LHPP: variants seen among roughly 807,000 people sequenced by gnomAD.
The protein encoded by LHPP is phospholysine phosphohistidine inorganic pyrophosphate phosphatase.
Under a neutral mutation model 30.3 loss-of-function variants are expected in LHPP, and 24 were observed. That is an observed-to-expected ratio of 0.79 (90% CI 0.57 to 1.11). LHPP has a LOEUF of 1.11. Ranked by LOEUF, LHPP falls within the 50% of genes most tolerant of loss-of-function variation. LHPP has a pLI of 0.00. For synonymous variants in LHPP, 150 were observed against 157.1 expected (o/e 0.95, Z 0.34); for missense variants, 356 against 367.2 (o/e 0.97, Z 0.25).
intron 5 of LHPP, among the ~76,000 whole-genome samples, chr10:124,514,184 G>T (rs1954389016): frequency 6.6e-6 from 1 of 152,224 alleles, no homozygotes; most frequent in Non-Finnish European, 1.5e-5. Context: ...CAGCCTGGGG[G>T]CAGAGGAAAG....
chr10:124,519,891 G>A (rs9732194), intron 6 of LHPP, among the ~76,000 whole-genome samples: 11,335 of 151,650 alleles, frequency 0.075, 625 homozygotes, highest in South Asian at 0.25. Context: ...GGAGTGCAGT[G>A]GCGCAGTCTC....
rs889529460 is a variant in LHPP at position 124,478,075 on chromosome 10, T to C, written c.126-6064T>C. Reference sequence around the variant, plus strand: ...CTCCACTGTGGTTGGGCACCAGGCATGGCAGAGGTGCTGAGCAGACAAAAC... The same window carrying C: ...CTCCACTGTGGTTGGGCACCAGGCACGGCAGAGGTGCTGAGCAGACAAAAC... On this transcript the variant is annotated intron_variant, in intron 1 of 6. Transcript: ENST00000368842. This position sits in a 1 kb window ranked among gnomAD's most constrained non-coding sequence, Gnocchi z 4.7. 1.3e-5 allele frequency among the ~76,000 whole-genome samples: 2 copies of C among 152,158 alleles called. No individual in the cohort carries two copies. The highest frequency in any genetic ancestry group is 2.4e-5 in the African/African-American group (1 of 41,430).
chr10:124,512,616 CAAAAA>C (rs34808470), intron 5 of LHPP, among the ~76,000 whole-genome samples: 1 of 54,190 alleles, frequency 1.8e-5, no homozygotes, highest in African/African-American at 7.6e-5. Flanking sequence ...GACTCCGTCT[CAAAAA>C]AAAAAAAAAA....
At chr10:124,562,253 G>T (rs1166208701) in intron 6 of LHPP, among the ~76,000 whole-genome samples, 2 of 152,156 alleles carry the variant, frequency 1.3e-5, no homozygotes, top group African/African-American at 4.8e-5. Flanking sequence ...GTTGTAGTGA[G>T]CTGAGATCAC....
intron 1 of LHPP, among the ~76,000 whole-genome samples, chr10:124,465,591 G>A (rs1008982563): frequency 1.3e-5 from 2 of 152,196 alleles, no homozygotes; most frequent in African/African-American, 4.8e-5. Context: ...GAGGAAGTGA[G>A]AGAGGCTCCG....
intron 6 of LHPP, among the ~76,000 whole-genome samples, chr10:124,595,267 G>T (rs1589703869): frequency 6.6e-6 from 1 of 152,192 alleles, no homozygotes; most frequent in South Asian, 2.1e-4. Context: ...GGTTGGGGAC[G>T]CGAGGAGGGC....
chr10:124,481,432 A>C (rs1028354219), intron 1 of LHPP, among the ~76,000 whole-genome samples: 10 of 128,362 alleles, frequency 7.8e-5, no homozygotes, highest in African/African-American at 2.9e-4. Flanking sequence ...GCTGGAGGGC[A>C]GTGGCTTGAT....
intron 5 of LHPP, among the ~76,000 whole-genome samples, chr10:124,503,240 GT>G (rs199676732): frequency 0.072 from 10,870 of 150,924 alleles, 583 homozygotes; most frequent in African/African-American, 0.13. Flanking sequence ...CTAATTTTGT[GT>G]TTTTAGTAGA....
At chr10:124,472,909 A>G (rs1457006840) in intron 1 of LHPP, among the ~76,000 whole-genome samples, 1 of 152,182 alleles carries the variant, frequency 6.6e-6, no homozygotes, top group East Asian at 1.9e-4. Flanking sequence ...CCACCCCCGT[A>G]TATCTGGGGT....
Position 124,540,530 on chromosome 10 carries a change from G to A in LHPP, c.716+23259G>A, listed in dbSNP as rs143752778. Among the ~76,000 whole-genome samples, 9 of 152,314 alleles carry A rather than the reference G, an allele frequency of 5.9e-5. No homozygotes were observed. The East Asian group carries it at 1.7e-3, about 29-fold the overall frequency. ...GGCACAGCACAGCCTCGTGCTCCTG[G>A]CCCCACTGGCCTGCTCCCTTAAGCT... On this transcript the variant is annotated intron_variant, in intron 6 of 6. Coordinates refer to ENST00000368842, the MANE Select transcript of LHPP (RefSeq NM_022126.4).
intron 2 of LHPP, among the ~76,000 whole-genome samples, chr10:124,487,321 C>T (rs1390442510): frequency 6.6e-6 from 1 of 152,164 alleles, no homozygotes; most frequent in Non-Finnish European, 1.5e-5. Flanking sequence ...TTTTACACGT[C>T]CTCCATCTGC....
intron 6 of LHPP, among the ~76,000 whole-genome samples, chr10:124,608,490 TTA>T (rs1448546438): frequency 2.0e-5 from 3 of 152,230 alleles, no homozygotes; most frequent in Non-Finnish European, 2.9e-5. Flanking sequence ...GTGCATGCTA[TTA>T]TGACCTCGGT....
At chr10:124,486,092 A>G (rs925918974) in intron 2 of LHPP, among the ~76,000 whole-genome samples, 2 of 152,174 alleles carry the variant, frequency 1.3e-5, no homozygotes, top group African/African-American at 4.8e-5. Flanking sequence ...GTATTTGTTT[A>G]CGGTTTTTCC....
chr10:124,485,514 T>G (rs1050572301), intron 2 of LHPP, among the ~76,000 whole-genome samples: 1 of 152,178 alleles, frequency 6.6e-6, no homozygotes, highest in Non-Finnish European at 1.5e-5. Flanking sequence ...ATTTTTTTTT[T>G]CAGTCATTGG....
At chr10:124,599,702 C>T (rs1409658088) in intron 6 of LHPP, among the ~76,000 whole-genome samples, 1 of 152,254 alleles carries the variant, frequency 6.6e-6, no homozygotes, top group Non-Finnish European at 1.5e-5. Flanking sequence ...TCTGGACATG[C>T]TGTGGGTGTC....
At chr10:124,518,440 C>A (rs911068354) in intron 6 of LHPP, among the ~76,000 whole-genome samples, 1 of 152,230 alleles carries the variant, frequency 6.6e-6, no homozygotes, top group Non-Finnish European at 1.5e-5. Flanking sequence ...TGCTCCCAGG[C>A]GAGGGGCTCT....
chr10:124,569,392 T>G (rs7099187), intron 6 of LHPP, among the ~76,000 whole-genome samples: 1 of 152,042 alleles, frequency 6.6e-6, no homozygotes, highest in Non-Finnish European at 1.5e-5. Flanking sequence ...CCTACAGAGC[T>G]GCTGTCTCTT....
intron 6 of LHPP, among the ~76,000 whole-genome samples, chr10:124,580,056 C>T (rs935107868): frequency 3.3e-5 from 5 of 152,194 alleles, no homozygotes; most frequent in African/African-American, 1.2e-4. Flanking sequence ...ATGACCTTGA[C>T]CATTGAAACT....
chr10:124,514,137 G>A (rs1954388331), intron 5 of LHPP, among the ~76,000 whole-genome samples: 1 of 152,200 alleles, frequency 6.6e-6, no homozygotes, highest in African/African-American at 2.4e-5. Flanking sequence ...TGGCACCAGG[G>A]TGTGATCCCA....
Sources: allele counts gnomAD v4.1 joint callset (sites outside exome capture counted in the v4.1 genomes callset), GRCh38; gene constraint gnomAD v4.1.1; non-coding constraint Gnocchi (gnomAD v3.1); transcripts MANE v1.5; gene names NCBI Gene and HGNC (gene_info 2026-07-23, HGNC 2026-07-21).